SORCS3: variants seen among roughly 807,000 people sequenced by gnomAD.
SORCS3 encodes the protein sortilin related VPS10 domain containing receptor 3.
In SORCS3, 57 loss-of-function variants were observed where a neutral mutation model predicts 146.3. The observed-to-expected ratio is 0.39, with a 90% CI of 0.31 to 0.49. SORCS3 has a LOEUF of 0.49. Ranked by LOEUF, SORCS3 falls within the 20% of genes least tolerant of loss-of-function variation. The pLI is 0.92. For missense variants in SORCS3, 1,341 were observed against 1,575.5 expected (o/e 0.85, Z 2.52); for synonymous variants, 653 against 618.5 (o/e 1.06, Z -0.83).
At chr10:104,786,574 A>G (rs2017439196) in intron 1 of SORCS3, among the ~76,000 whole-genome samples, 1 of 149,608 alleles carries the variant, frequency 6.7e-6, no homozygotes, top group South Asian at 2.1e-4. Context: ...TAATAATAAT[A>G]ATAGTGATGA....
At chr10:105,071,356 C>G (rs1589618323) in intron 5 of SORCS3, among the ~76,000 whole-genome samples, 1 of 152,216 alleles carries the variant, frequency 6.6e-6, no homozygotes, top group Non-Finnish European at 1.5e-5. Context: ...ACACGAGCTT[C>G]CTGGTATTGG....
In SORCS3 at chr10:105,036,003, A is replaced by T. The variant is rs963172063; in HGVS notation, c.955-7052A>T. ...GAGTTGTCTCTTTCCCTTCTACTTG[A>T]ATCCTTTAGATGACCTTGTTTGGAT... On this transcript the variant is annotated intron_variant, in intron 4 of 26. Transcript: ENST00000369701. Among the ~76,000 whole-genome samples, 3 of 152,050 alleles carry T rather than the reference A, an allele frequency of 2.0e-5. No homozygotes were observed. The East Asian group carries it at 5.8e-4, about 30-fold the overall frequency.
intron 2 of SORCS3, among the ~76,000 whole-genome samples, chr10:104,890,255 C>T (rs1163198395): frequency 1.3e-5 from 2 of 152,020 alleles, no homozygotes; most frequent in Non-Finnish European, 2.9e-5. Flanking sequence ...TTTTTCTCTG[C>T]CCCACCCCCA....
At chr10:104,936,643 C>T (rs1198885628) in intron 3 of SORCS3, among the ~76,000 whole-genome samples, 1 of 152,182 alleles carries the variant, frequency 6.6e-6, no homozygotes. Context: ...TGTTAGGAAA[C>T]AGTCTTGAGC....
intron 1 of SORCS3, among the ~76,000 whole-genome samples, chr10:104,792,452 C>T (rs2017505945): frequency 6.6e-6 from 1 of 152,190 alleles, no homozygotes; most frequent in Admixed American, 6.5e-5. Context: ...TGCTTTGCTT[C>T]ACTAGCTAAG....
intron 3 of SORCS3, among the ~76,000 whole-genome samples, chr10:104,973,412 G>GT (rs1296865121): frequency 2.0e-5 from 3 of 152,090 alleles, no homozygotes; most frequent in Non-Finnish European, 4.4e-5. Flanking sequence ...CTTCTTCCTG[G>GT]TTTAGTCTTG....
intron 11 of SORCS3, among the ~76,000 whole-genome samples, chr10:105,159,683 C>G (rs1215338652): frequency 6.6e-6 from 1 of 152,128 alleles, no homozygotes; most frequent in Non-Finnish European, 1.5e-5. Flanking sequence ...AGTTAGAGCT[C>G]CGGTGTTGGT....
chr10:105,204,741 A>G, intron 16 of SORCS3, among the ~76,000 whole-genome samples: 1 of 151,604 alleles, frequency 6.6e-6, no homozygotes, highest in South Asian at 2.1e-4. Context: ...TTTTTTTACT[A>G]CTACTGAGTA....
chr10:104,866,441 T>C (rs1469741228), intron 2 of SORCS3, among the ~76,000 whole-genome samples: 1 of 152,192 alleles, frequency 6.6e-6, no homozygotes, highest in African/African-American at 2.4e-5. Context: ...ATTATGTTTA[T>C]ACTTTGAGTC....
intron 5 of SORCS3, among the ~76,000 whole-genome samples, chr10:105,054,789 A>G (rs2055435642): frequency 6.6e-6 from 1 of 152,140 alleles, no homozygotes; most frequent in African/African-American, 2.4e-5. Context: ...ATTGTGTTTA[A>G]TCGTGGTTTA....
At chr10:104,687,864 G>A (rs537668202) in intron 1 of SORCS3, among the ~76,000 whole-genome samples, 1 of 152,230 alleles carries the variant, frequency 6.6e-6, no homozygotes, top group African/African-American at 2.4e-5. Context: ...TAATAGTACT[G>A]AAAACATATG....
intron 1 of SORCS3, among the ~76,000 whole-genome samples, chr10:104,774,344 G>T (rs2017284353): frequency 6.6e-6 from 1 of 152,128 alleles, no homozygotes; most frequent in Non-Finnish European, 1.5e-5. Flanking sequence ...AGGCCATGTT[G>T]TTAATCCCCA....
At chr10:104,949,393 A>AGG (rs2019405781) in intron 3 of SORCS3, among the ~76,000 whole-genome samples, 1 of 152,068 alleles carries the variant, frequency 6.6e-6, no homozygotes, top group African/African-American at 2.4e-5. Flanking sequence ...CAAGAGAATG[A>AGG]TAGATGAACT....
chr10:105,007,658 C>G (rs1004318980), intron 4 of SORCS3, among the ~76,000 whole-genome samples: 1 of 151,890 alleles, frequency 6.6e-6, no homozygotes, highest in Non-Finnish European at 1.5e-5. Context: ...CCTCCCCCAA[C>G]CCCCCAAAAA....
chr10:104,718,192 G>T (rs906122127), intron 1 of SORCS3, among the ~76,000 whole-genome samples: 7 of 151,988 alleles, frequency 4.6e-5, no homozygotes, highest in African/African-American at 1.4e-4. Context: ...ATAAGAGAAA[G>T]AAGTGTATTT....
chr10:104,674,062 A>C (rs1345634582), intron 1 of SORCS3, among the ~76,000 whole-genome samples: 1 of 152,238 alleles, frequency 6.6e-6, no homozygotes, highest in Non-Finnish European at 1.5e-5. Flanking sequence ...CTCACCACCC[A>C]AACAAGATCA....
intron 5 of SORCS3, among the ~76,000 whole-genome samples, chr10:105,048,038 G>A (rs1005913090): frequency 6.6e-6 from 1 of 152,030 alleles, no homozygotes; most frequent in East Asian, 1.9e-4. Context: ...GAAACAACAG[G>A]TGCTAGAGAG....
At chr10:104,869,630 C>T (rs191125147) in intron 2 of SORCS3, among the ~76,000 whole-genome samples, 58 of 152,322 alleles carry the variant, frequency 3.8e-4, no homozygotes, top group Admixed American at 3.3e-3. Flanking sequence ...TATCACCAAC[C>T]ATTTCTTCTG....
chr10:104,641,799 C>T lies in SORCS3; in HGVS notation c.472C>T (p.Arg158Cys), dbSNP rs1251985956. The change falls in exon 1 of 27, where the codon CGT becomes TGT. Residue 158 changes from arginine to cysteine, a missense_variant. By Grantham distance (180) the Arg-to-Cys change is radical. Coordinates refer to ENST00000369701, the MANE Select transcript of SORCS3 (RefSeq NM_014978.3). The surrounding 1 kb of genome is among the most constrained non-coding windows in gnomAD (Gnocchi z 6.4). ...TCCGGCCGATGGTTCCAGAGGAAGC[C>T]GTCCCCTTGCTAAGGGTTCCCGGGA... ...TAPADGSRGS[R>C]PLAKGSREEV... The T allele has an allele frequency of 6.5e-7, 1 of 1,550,248 alleles. No individual in the cohort carries two copies. Among genetic ancestry groups the T allele is most frequent in the Non-Finnish European group, 8.7e-7 (1 of 1,147,912 alleles).
Sources: allele counts gnomAD v4.1 joint callset (sites outside exome capture counted in the v4.1 genomes callset), GRCh38; gene constraint gnomAD v4.1.1; non-coding constraint Gnocchi (gnomAD v3.1); transcripts MANE v1.5; gene names NCBI Gene and HGNC (gene_info 2026-07-23, HGNC 2026-07-21).